The following CPEB3 variants were observed in gnomAD, a reference collection of about 807,000 sequenced individuals.
The protein encoded by CPEB3 is cytoplasmic polyadenylation element-binding protein 3.
Under a neutral mutation model 67.2 loss-of-function variants are expected in CPEB3, and 20 were observed. The ratio of observed to expected loss-of-function variants is 0.30; its 90% CI spans 0.21 to 0.43. CPEB3 has a LOEUF of 0.43. CPEB3 is among the 20% of genes least tolerant of loss of function. The pLI, the probability that CPEB3 is intolerant of heterozygous loss-of-function variation, is 1.00. For missense variants in CPEB3, 746 were observed against 968.6 expected (o/e 0.77, Z 3.05); for synonymous variants, 376 against 393.1 (o/e 0.96, Z 0.51).
chr10:92,254,609 T>C (rs1016437324), intron 1 of CPEB3, among the ~76,000 whole-genome samples: 4 of 152,150 alleles, frequency 2.6e-5, no homozygotes, highest in African/African-American at 9.7e-5. Context: ...GGCCACAAAG[T>C]AGCAATTCCA....
chr10:92,241,301 A>AGCGC (rs1851842876), intron 1 of CPEB3, among the ~76,000 whole-genome samples: 1 of 128,122 alleles, frequency 7.8e-6, no homozygotes, highest in African/African-American at 3.0e-5. Context: ...CGAGCGAGCG[A>AGCGC]GCGCCTGTGA....
rs1180053421 is a variant in CPEB3 at position 92,240,426 on chromosome 10, G to A, written c.-11-65C>T. The A allele has an allele frequency of 2.9e-6, 4 of 1,379,630 alleles. No individual in the cohort carries two copies. The South Asian group carries it at 5.4e-5, about 19-fold the overall frequency. 85.5% of individuals were successfully genotyped at this position (1,379,630 alleles called of 1,614,324 possible). A position where few individuals can be genotyped will look rare whatever the true frequency, so the allele number is the denominator to read the frequency against. On this transcript the variant is annotated intron_variant, in intron 1 of 9. Coordinates refer to ENST00000265997, the MANE Select transcript of CPEB3 (RefSeq NM_014912.5). ...GATCATGAATGTCCCTCGCTGAAGC[G>A]GGCGGGTGTTTCACTTGCGAAAATC...
intron 3 of CPEB3, among the ~76,000 whole-genome samples, chr10:92,188,536 A>G (rs1278189675): frequency 6.6e-6 from 1 of 152,006 alleles, no homozygotes; most frequent in Non-Finnish European, 1.5e-5. Flanking sequence ...CCTGGACAAC[A>G]TGGTGAAACC....
chr10:92,065,265 G>T (rs149424159), intron 9 of CPEB3, among the ~76,000 whole-genome samples: 6 of 152,354 alleles, frequency 3.9e-5, no homozygotes, highest in African/African-American at 7.2e-5. Flanking sequence ...CTGTCACCCA[G>T]GTTGGAGTGC....
intron 3 of CPEB3, among the ~76,000 whole-genome samples, chr10:92,182,030 G>C (rs1306808406): frequency 6.6e-6 from 1 of 151,942 alleles, no homozygotes; most frequent in Non-Finnish European, 1.5e-5. Flanking sequence ...AAGCTTTCTT[G>C]ACCAAATTCC....
chr10:92,222,561 A>C (rs1850754478), intron 2 of CPEB3, among the ~76,000 whole-genome samples: 1 of 152,200 alleles, frequency 6.6e-6, no homozygotes. Flanking sequence ...AGAAATTTTA[A>C]GAGATGTCTA....
chr10:92,199,158 G>A lies in CPEB3; in HGVS notation c.1006-6522C>T, dbSNP rs141261311. Among the ~76,000 whole-genome samples the A allele has an allele frequency of 5.6e-3, 860 of 152,254 alleles. 9 individuals carry two copies. Among genetic ancestry groups the A allele is most frequent in the African/African-American group, 0.02 (820 of 41,544 alleles). ...TGTAATCCCAGCACTTTGGGAGGCT[G>A]AGGCAGGCGGATCACCTGAGGTCGG... On this transcript the variant is annotated intron_variant, in intron 2 of 9. Coordinates refer to ENST00000265997, the MANE Select transcript of CPEB3 (RefSeq NM_014912.5).
intron 1 of CPEB3, among the ~76,000 whole-genome samples, chr10:92,281,177 T>C (rs1554942385): frequency 6.6e-6 from 1 of 151,548 alleles, no homozygotes; most frequent in Non-Finnish European, 1.5e-5. Context: ...TTTCTTCAAA[T>C]AATTTTTTGG....
In CPEB3 at chr10:92,192,610, A is replaced by G; in HGVS notation, c.1032T>C (p.Phe344=). 5.0e-6 allele frequency: 8 copies of G among 1,612,188 alleles called. No individual in the cohort carries two copies. The highest frequency in any genetic ancestry group is 6.8e-6 in the Non-Finnish European group (8 of 1,179,128). Residue 344 remains phenylalanine (F), a synonymous_variant, in exon 3 of 10, where the codon TTT becomes TTC. Coordinates refer to ENST00000265997, the MANE Select transcript of CPEB3 (RefSeq NM_014912.5). ...FQDRSRPYDT[F]NLHSLENSLM... is the part of the protein sequence containing the mutation. ...AGGAGTTCTCCAACGAGTGCAAGTTAAAAGTATCATAGGGCCTACTCCGGT... is the reference window on the plus strand; with the variant it reads ...AGGAGTTCTCCAACGAGTGCAAGTTGAAAGTATCATAGGGCCTACTCCGGT...
At chr10:92,101,904 T>C (rs1282870408) in intron 7 of CPEB3, among the ~76,000 whole-genome samples, 1 of 152,158 alleles carries the variant, frequency 6.6e-6, no homozygotes, top group East Asian at 1.9e-4. Flanking sequence ...AGAGACTCTG[T>C]CTCAATAAAT....
chr10:92,115,527 G>A, intron 6 of CPEB3, among the ~76,000 whole-genome samples: 1 of 152,188 alleles, frequency 6.6e-6, no homozygotes, highest in Non-Finnish European at 1.5e-5. Context: ...TGCTAATTGG[G>A]CGGAAAAGAA....
In CPEB3 at chr10:92,048,122, TAGTC is replaced by T. The variant is rs933632594; in HGVS notation, c.*4086_*4089del. Reference sequence around the variant, plus strand: ...GTGGAGGAAGATGCAACCCGACACATAGTCAGGGTCCACAGACAGTGGTGACATC... The same window carrying T: ...GTGGAGGAAGATGCAACCCGACACATAGGGTCCACAGACAGTGGTGACATC... On this transcript the variant is annotated 3_prime_UTR_variant, in exon 10 of 10. Coordinates refer to ENST00000265997, the MANE Select transcript of CPEB3 (RefSeq NM_014912.5). This position sits in a 1 kb window ranked among gnomAD's most constrained non-coding sequence, Gnocchi z 4.1. 1 of 152,070 alleles carries T rather than the reference TAGTC, an allele frequency of 6.6e-6. No individual in the cohort carries two copies. Among genetic ancestry groups the T allele is most frequent in the African/African-American group, 2.4e-5 (1 of 41,344 alleles). The allele number at this position is 152,070 out of a possible 1,614,324, so 9.4% of individuals were successfully genotyped here. A position where few individuals can be genotyped will look rare whatever the true frequency, so the allele number is the denominator to read the frequency against.
chr10:92,129,760 T>C (rs1845759117), intron 6 of CPEB3, among the ~76,000 whole-genome samples: 1 of 152,144 alleles, frequency 6.6e-6, no homozygotes, highest in South Asian at 2.1e-4. Flanking sequence ...ACAACATCCC[T>C]GTTGCGCATG....
At chr10:92,197,995 A>C (rs1451539604) in intron 2 of CPEB3, among the ~76,000 whole-genome samples, 2 of 152,194 alleles carry the variant, frequency 1.3e-5, no homozygotes, top group Non-Finnish European at 2.9e-5. Flanking sequence ...AGCCCCAGCT[A>C]CTTGGGAGGC....
At chr10:92,151,354 T>C (rs1386220576) in intron 4 of CPEB3, among the ~76,000 whole-genome samples, 1 of 152,150 alleles carries the variant, frequency 6.6e-6, no homozygotes, top group Non-Finnish European at 1.5e-5. Flanking sequence ...CAGCAATCAG[T>C]CACTTTGGGG....
intron 9 of CPEB3, among the ~76,000 whole-genome samples, chr10:92,063,389 T>C (rs1455036309): frequency 6.6e-6 from 1 of 152,218 alleles, no homozygotes; most frequent in East Asian, 1.9e-4. Flanking sequence ...GTTTGAGTTA[T>C]GTACTAAAAG....
chr10:92,086,779 G>A (rs1459427807), intron 8 of CPEB3, among the ~76,000 whole-genome samples: 26 of 152,136 alleles, frequency 1.7e-4, no homozygotes, highest in Admixed American at 1.7e-3. Flanking sequence ...GTGTTATTTT[G>A]GTTTTATGCT....
intron 1 of CPEB3, among the ~76,000 whole-genome samples, chr10:92,242,496 G>A (rs901079682): frequency 6.6e-6 from 1 of 152,138 alleles, no homozygotes; most frequent in Non-Finnish European, 1.5e-5. Flanking sequence ...TGGTTTAAAC[G>A]GTGCTGCAGT....
intron 2 of CPEB3, among the ~76,000 whole-genome samples, chr10:92,214,310 A>C (rs1305574449): frequency 6.6e-6 from 1 of 152,162 alleles, no homozygotes; most frequent in Non-Finnish European, 1.5e-5. Flanking sequence ...AGAATGCACC[A>C]ACAAGGCACT....
Sources: allele counts gnomAD v4.1 joint callset (sites outside exome capture counted in the v4.1 genomes callset), GRCh38; gene constraint gnomAD v4.1.1; non-coding constraint Gnocchi (gnomAD v3.1); transcripts MANE v1.5; gene names NCBI Gene and HGNC (gene_info 2026-07-23, HGNC 2026-07-21).